The following PNPLA6 variants were observed in gnomAD, a reference collection of about 807,000 sequenced individuals.
PNPLA6 encodes the protein patatin like domain 6, lysophospholipase, also known as patatin-like phospholipase domain-containing protein 6.
A neutral mutation model predicts 153.7 loss-of-function variants in PNPLA6; 105 were observed. The observed-to-expected ratio is 0.68, with a 90% CI of 0.58 to 0.80. The LOEUF (loss-of-function observed/expected upper bound fraction) is 0.80. Ranked by LOEUF, PNPLA6 falls within the 30% of genes least tolerant of loss-of-function variation. The pLI, the probability that PNPLA6 is intolerant of heterozygous loss-of-function variation, is 0.00. For missense variants in PNPLA6, 1,423 were observed against 1,919.3 expected (o/e 0.74, Z 4.83); for synonymous variants, 825 against 822.2 (o/e 1.00, Z -0.06).
intron 13 of PNPLA6, among the ~76,000 whole-genome samples, chr19:7,545,487 C>T (rs1053805104): frequency 1.3e-5 from 2 of 152,190 alleles, no homozygotes; most frequent in Middle Eastern, 3.4e-3. Context: ...CATTTCTGGG[C>T]GGTTTCAGTT....
chr19:7,541,346 C>T lies in PNPLA6; in HGVS notation c.925-8C>T. On this transcript the variant is annotated splice_region_variant and splice_polypyrimidine_tract_variant and intron_variant, in intron 7 of 31. Coordinates refer to ENST00000600737, the MANE Select transcript of PNPLA6 (RefSeq NM_001166114.2). This position sits in a 1 kb window ranked among gnomAD's most constrained non-coding sequence, Gnocchi z 5.2. ...CCATCTTATGGCCACGCCCCTCGAG[C>T]CCTGCAGATCATCATGGTGCGGCTG... The T allele has an allele frequency of 6.2e-7, 1 of 1,613,078 alleles. No individual in the cohort carries two copies. The highest frequency in any genetic ancestry group is 8.5e-7 in the Non-Finnish European group (1 of 1,179,316).
intron 27 of PNPLA6, chr19:7,557,553 G>T: frequency 2.0e-6 from 1 of 488,838 alleles, no homozygotes; most frequent in Admixed American, 2.6e-5. Flanking sequence ...GAGGCCTGAG[G>T]TGGGTGGATC....
At position 7,555,386 on chromosome 19, in the gene PNPLA6, C is replaced by A. The variant is rs753645087; in HGVS notation, c.2936+19C>A. ...GGGCCAGGTGAGGGCGGGGCTTGCTCTCTGGGGGCGGGGCCTGGATGTCCG... is the reference window on the plus strand; with the variant it reads ...GGGCCAGGTGAGGGCGGGGCTTGCTATCTGGGGGCGGGGCCTGGATGTCCG... On this transcript the variant is annotated intron_variant, in intron 23 of 31. Coordinates refer to ENST00000600737, the MANE Select transcript of PNPLA6 (RefSeq NM_001166114.2). This position sits in a 1 kb window ranked among gnomAD's most constrained non-coding sequence, Gnocchi z 6.3. The A allele has an allele frequency of 2.7e-6, 4 of 1,464,624 alleles. No homozygotes were observed. Among genetic ancestry groups the A allele is most frequent in the South Asian group, 1.2e-5 (1 of 82,528 alleles). 90.7% of individuals were successfully genotyped at this position (1,464,624 alleles called of 1,614,324 possible). A position where few individuals can be genotyped will look rare whatever the true frequency, so the allele number is the denominator to read the frequency against.
intron 28 of PNPLA6, 124 bp downstream of exon 28, chr19:7,559,275 T>G: frequency 4.8e-6 from 4 of 825,762 alleles, no homozygotes; most frequent in Non-Finnish European, 8.3e-6. Context: ...CTGGAATCTC[T>G]GGAAAACAGA....
At position 7,554,041 on chromosome 19, in the gene PNPLA6, G is replaced by A. The variant is rs2023762991; in HGVS notation, c.2401+26G>A. The A allele has an allele frequency of 3.1e-6, 5 of 1,611,340 alleles. No homozygotes were observed. In the East Asian group the frequency reaches 1.1e-4, roughly 36 times the overall value. On this transcript the variant is annotated intron_variant, in intron 19 of 31. Coordinates refer to ENST00000600737, the MANE Select transcript of PNPLA6 (RefSeq NM_001166114.2). The stretch of plus-strand genomic sequence containing the variant: ...GTCAGTGGGGTGAGGGTCATGGGTG[G>A]GGGCTGGCGGTGGGTGGGACATTAG...
chr19:7,557,137 C>T lies in PNPLA6; in HGVS notation c.3281-31C>T, dbSNP rs376293628. 7 of 1,497,778 alleles carry T rather than the reference C, an allele frequency of 4.7e-6. 1 individual carries two copies. In the African/African-American group the frequency reaches 5.5e-5, roughly 12 times the overall value. The allele number at this position is 1,497,778 out of a possible 1,614,324, so 92.8% of individuals were successfully genotyped here. A position where few individuals can be genotyped will look rare whatever the true frequency, so the allele number is the denominator to read the frequency against. On this transcript the variant is annotated intron_variant, in intron 26 of 31. Coordinates refer to ENST00000600737, the MANE Select transcript of PNPLA6 (RefSeq NM_001166114.2). ...TCCGGCGTGTCTGAGCGTGTCTGTG[C>T]GTGTTTGTGTCTGTGTGTCCCACCG...
In PNPLA6 at chr19:7,560,646, AG is replaced by A; in HGVS notation, c.3700del. ...ATGGACCCAGCCCCTCATTTCCCAC[AG>A]GATGTGGGCTACCAGTACGGGAAGG... On this transcript the variant is annotated splice_acceptor_variant, in intron 28 of 31. Transcript: ENST00000600737. LOFTEE classifies it high-confidence loss of function. 1 of 1,606,714 alleles carries A rather than the reference AG, an allele frequency of 6.2e-7. No homozygotes were observed. Among genetic ancestry groups the A allele is most frequent in the Non-Finnish European group, 8.5e-7 (1 of 1,173,308 alleles).
At position 7,541,635 on chromosome 19, in the gene PNPLA6, C is replaced by G. The variant is rs745591369; in HGVS notation, c.1119C>G (p.Thr373=). The G allele has an allele frequency of 6.3e-7, 1 of 1,587,124 alleles. No individual in the cohort carries two copies. Among genetic ancestry groups the G allele is most frequent in the Non-Finnish European group, 8.6e-7 (1 of 1,167,622 alleles). The change falls in exon 9 of 32, where the codon ACC becomes ACG. Residue 373 remains threonine (T), a synonymous_variant. Coordinates refer to ENST00000600737, the MANE Select transcript of PNPLA6 (RefSeq NM_001166114.2). The surrounding 1 kb of genome is among the most constrained non-coding windows in gnomAD (Gnocchi z 5.2). ...CAGCTACAGACGAGCCCAGGGAGAC[C>G]CCAGGGCGGCCACCCGATCCCACCG... ...STSATDEPRE[T]PGRPPDPTGA... is the part of the protein sequence containing the mutation.
chr19:7,545,909 C>CAAAA (rs554820974), intron 13 of PNPLA6, among the ~76,000 whole-genome samples: 30 of 100,460 alleles, frequency 3.0e-4, no homozygotes, highest in South Asian at 3.6e-4. Context: ...GACCCTGTCT[C>CAAAA]AAAAAAAAAA....
At position 7,550,412 on chromosome 19, in the gene PNPLA6, G is replaced by C; in HGVS notation, c.1929G>C (p.Ala643=). 6.2e-7 allele frequency: 1 copy of C among 1,611,444 alleles called. No individual in the cohort carries two copies. The highest frequency in any genetic ancestry group is 8.5e-7 in the Non-Finnish European group (1 of 1,179,930). The change falls in exon 15 of 32, where the codon GCG becomes GCC. Residue 643 remains alanine, a synonymous_variant. Transcript: ENST00000600737. ...CCATCGACTGGACTGCAGTGGAGGC[G>C]GGACGCGCGCTGTACAGGTGCAGCT... ...DFAIDWTAVE[A]GRALYRQGDR...
intron 18 of PNPLA6, among the ~76,000 whole-genome samples, chr19:7,551,870 C>G (rs980703154): frequency 2.6e-5 from 4 of 152,024 alleles, no homozygotes; most frequent in African/African-American, 9.7e-5. Flanking sequence ...GAGGCTGAGG[C>G]AGGAGGATCG....
chr19:7,541,959 G>C lies in PNPLA6; in HGVS notation c.1169-25G>C, dbSNP rs888482591. 1 of 1,589,726 alleles carries C rather than the reference G, an allele frequency of 6.3e-7. No individual in the cohort carries two copies. Among genetic ancestry groups the C allele is most frequent in the African/African-American group, 1.3e-5 (1 of 74,576 alleles). ...TCCTCCTAGTGGCTCTGAGGGGCAG[G>C]AGCCTGAACATGTGTCTCCCCCAGG... On this transcript the variant is annotated intron_variant, in intron 9 of 31. Coordinates refer to ENST00000600737, the MANE Select transcript of PNPLA6 (RefSeq NM_001166114.2). The surrounding 1 kb of genome is among the most constrained non-coding windows in gnomAD (Gnocchi z 5.2).
intron 13 of PNPLA6, among the ~76,000 whole-genome samples, chr19:7,548,130 A>T (rs1321806301): frequency 6.6e-6 from 1 of 151,202 alleles, no homozygotes; most frequent in Non-Finnish European, 1.5e-5. Flanking sequence ...TGGATCACTG[A>T]GGTCAGGAGT....
In PNPLA6 at chr19:7,557,295, GCCCGCACCA is replaced by G; in HGVS notation, c.3397+19_3397+27del. On this transcript the variant is annotated intron_variant, in intron 27 of 31. Transcript: ENST00000600737. Reference sequence around the variant, plus strand: ...TCAACAATCTGCCAGGCAAGTGGCCGCCCGCACCACCCGCACACGCAAGCACCTCCCGCA... The same window carrying G: ...TCAACAATCTGCCAGGCAAGTGGCCGCCCGCACACGCAAGCACCTCCCGCA... The G allele has an allele frequency of 2.0e-6, 3 of 1,535,024 alleles. No homozygotes were observed. The highest frequency in any genetic ancestry group is 1.8e-6 in the Non-Finnish European group (2 of 1,110,692).
chr19:7,535,303 C>A (rs924026563), upstream of PNPLA6: 1 of 603,476 alleles, frequency 1.7e-6, no homozygotes, highest in African/African-American at 1.8e-5. The surrounding 1 kb of genome is among the most constrained non-coding windows in gnomAD (Gnocchi z 5.0). Context: ...CGGGGACCCG[C>A]CTCATCTCCT....
Position 7,542,580 on chromosome 19 carries a change from C to G in PNPLA6, c.1272C>G (p.Arg424=). Residue 424 remains arginine, a synonymous_variant, in exon 11 of 32, where the codon CGC becomes CGG. Coordinates refer to ENST00000600737, the MANE Select transcript of PNPLA6 (RefSeq NM_001166114.2). ...CTGCAGGCTTGCAGGGTGGCCCCCGCTCCGACTTCGACATGGCCTATGAGC... is the reference window on the plus strand; with the variant it reads ...CTGCAGGCTTGCAGGGTGGCCCCCGGTCCGACTTCGACATGGCCTATGAGC... The part of the protein sequence containing the change: ...GDISGLQGGP[R]SDFDMAYERG... 1 of 1,613,782 alleles carries G rather than the reference C, an allele frequency of 6.2e-7. No homozygotes were observed. Among genetic ancestry groups the G allele is most frequent in the South Asian group, 1.1e-5 (1 of 91,088 alleles).
rs1436451787 is a variant in PNPLA6 at position 7,542,797 on chromosome 19, G to A, written c.1399G>A (p.Ala467Thr). Reference protein sequence around the residue: ...TQEPREQPAGACEYSYCEDES... With the variant: ...TQEPREQPAGTCEYSYCEDES... Reference sequence around the variant, plus strand: ...GGAGCCTCGTGAGCAGCCGGCAGGCGCCTGTGAATACAGCTACTGTGAGGA... The same window carrying A: ...GGAGCCTCGTGAGCAGCCGGCAGGCACCTGTGAATACAGCTACTGTGAGGA... Residue 467 changes from alanine to threonine, a missense_variant, in exon 12 of 32, where the codon GCC (alanine) becomes ACC (threonine). Around this residue, in one of 10 missense-constraint regions of PNPLA6, gnomAD observed 267 missense variants for 255.1 expected, o/e 1.05. Coordinates refer to ENST00000600737, the MANE Select transcript of PNPLA6 (RefSeq NM_001166114.2). 5.6e-6 allele frequency: 9 copies of A among 1,612,948 alleles called. No individual in the cohort carries two copies. Among genetic ancestry groups the A allele is most frequent in the African/African-American group, 1.3e-5 (1 of 74,938 alleles).
rs759486530 is a variant in PNPLA6, at chr19:7,550,486, TC to T, written c.1947-30del. ...CCTAGGGGTGGGGACCTGGGGGTGGTCAGACCTTGCTGACCTCCACGCCCAC... is the reference window on the plus strand; with the variant it reads ...CCTAGGGGTGGGGACCTGGGGGTGGTAGACCTTGCTGACCTCCACGCCCAC... On this transcript the variant is annotated intron_variant, in intron 15 of 31. Coordinates refer to ENST00000600737, the MANE Select transcript of PNPLA6 (RefSeq NM_001166114.2). 13 of 1,612,516 alleles carry T rather than the reference TC, an allele frequency of 8.1e-6. No homozygotes were observed. In the East Asian group the frequency reaches 2.9e-4, roughly 36 times the overall value.
Position 7,561,059 on chromosome 19 carries a change from G to T in PNPLA6, c.3862G>T (p.Val1288Leu), listed in dbSNP as rs777058420. ...SSGFTDLAEI[V>L]SRIEPPTSYV... ...TGGCTTCACTGACTTGGCAGAGATT[G>T]TGTCCCGGATTGAGCCCCCCACGAG... Residue 1288 changes from valine to leucine, a missense_variant, in exon 30 of 32, where the codon GTG becomes TTG. Val to Leu is a conservative substitution (Grantham distance 32). Coordinates refer to ENST00000600737, the MANE Select transcript of PNPLA6 (RefSeq NM_001166114.2). The T allele has an allele frequency of 6.2e-7, 1 of 1,613,484 alleles. No individual in the cohort carries two copies. Among genetic ancestry groups the T allele is most frequent in the Non-Finnish European group, 8.5e-7 (1 of 1,179,830 alleles).
Sources: gnomAD v4.1 joint callset for allele counts (sites outside exome capture counted in the v4.1 genomes callset) on GRCh38, gnomAD v4.1.1 for gene constraint, gnomAD v4.1.1 regional missense constraint, Gnocchi (gnomAD v3.1) non-coding constraint, MANE v1.5 for transcripts, NCBI Gene and HGNC (gene_info 2026-07-23, HGNC 2026-07-21) for gene names.